Variants in POC1A observed in about 807,000 individuals in gnomAD.
The protein encoded by POC1A is POC1 centriolar protein A.
A neutral mutation model predicts 47.8 loss-of-function variants in POC1A; 34 were observed. The observed-to-expected ratio is 0.71, with a 90% CI of 0.54 to 0.95. The LOEUF (loss-of-function observed/expected upper bound fraction) is 0.95. Among genes scored for constraint, POC1A ranks in the 40% least tolerant of loss-of-function variants. The pLI, the probability that POC1A is intolerant of heterozygous loss-of-function variation, is 0.00. For synonymous variants in POC1A, 177 were observed against 207.6 expected, an observed-to-expected ratio of 0.85 and a Z score of 1.27; for missense variants, 466 against 528.3, an observed-to-expected ratio of 0.88 and a Z score of 1.16.
intron 6 of POC1A, among the ~76,000 whole-genome samples, chr3:52,140,765 C>T (rs554764293): frequency 2.0e-4 from 31 of 152,332 alleles, no homozygotes; most frequent in African/African-American, 6.5e-4. Flanking sequence ...ACCTACTGGC[C>T]GCACCAGCCT....
At chr3:52,136,741 T>C (rs1704483833) in intron 7 of POC1A, among the ~76,000 whole-genome samples, 1 of 152,200 alleles carries the variant, frequency 6.6e-6, no homozygotes, top group African/African-American at 2.4e-5. Context: ...TGGTCCTTGC[T>C]TCACTTCCCG....
intron 10 of POC1A, among the ~76,000 whole-genome samples, chr3:52,093,781 G>A (rs928664790): frequency 1.3e-4 from 20 of 152,228 alleles, no homozygotes; most frequent in Admixed American, 5.2e-4. Context: ...GGGGAGGACT[G>A]AGATTGGGTC....
intron 10 of POC1A, among the ~76,000 whole-genome samples, chr3:52,083,398 C>T (rs1300017582): frequency 1.3e-5 from 2 of 152,020 alleles, no homozygotes; most frequent in African/African-American, 4.8e-5. Flanking sequence ...ACGTACAGTC[C>T]CTCATGCCCA....
chr3:52,130,091 G>A (rs2107125991), intron 7 of POC1A, among the ~76,000 whole-genome samples: 1 of 152,284 alleles, frequency 6.6e-6, no homozygotes, highest in South Asian at 2.1e-4. Flanking sequence ...CCTGAACTCT[G>A]ACTGCATGCC....
At chr3:52,095,289 C>T (rs576580541) in intron 10 of POC1A, among the ~76,000 whole-genome samples, 1 of 152,294 alleles carries the variant, frequency 6.6e-6, no homozygotes, top group African/African-American at 2.4e-5. Context: ...TCCCACAGCC[C>T]CCAGTCATGA....
chr3:52,131,991 A>G lies in POC1A; in HGVS notation c.813+6178T>C, dbSNP rs1704231134. ...CAGCATCACCAGGACCATGTCCACA[A>G]CAGAAACTTCTAATGCCCTTTTAAA... On this transcript the variant is annotated intron_variant, in intron 7 of 10. Coordinates refer to ENST00000296484, the MANE Select transcript of POC1A (RefSeq NM_015426.5). Among the ~76,000 whole-genome samples, 3 of 152,152 alleles carry G rather than the reference A, an allele frequency of 2.0e-5. No individual in the cohort carries two copies. The South Asian group carries it at 6.2e-4, about 32-fold the overall frequency.
intron 8 of POC1A, among the ~76,000 whole-genome samples, chr3:52,123,857 T>C (rs1703894553): frequency 6.6e-6 from 1 of 152,232 alleles, no homozygotes. Context: ...CTCTATTTAC[T>C]GTGTGAAGTT....
intron 6 of POC1A, among the ~76,000 whole-genome samples, chr3:52,140,367 C>CA (rs1178495982): frequency 1.3e-5 from 2 of 152,206 alleles, no homozygotes; most frequent in African/African-American, 4.8e-5. Context: ...GAGACCCCCC[C>CA]ACCAGAAAGT....
intron 9 of POC1A, among the ~76,000 whole-genome samples, chr3:52,108,156 G>A (rs527722406): frequency 4.0e-4 from 61 of 152,328 alleles, no homozygotes; most frequent in Non-Finnish European, 6.9e-4. Context: ...ACATGGAAGG[G>A]CTTATTACAG....
At chr3:52,149,080 C>G in intron 4 of POC1A, 130 bp downstream of exon 4, 1 of 686,342 alleles carries the variant, frequency 1.5e-6, no homozygotes, top group South Asian at 1.8e-5. Context: ...GATAAGGAAA[C>G]CGAGGCTGAG....
rs549849805 is a variant in POC1A at position 52,141,040 on chromosome 3, C to G, written c.680-2738G>C. 4.7e-4 allele frequency among the ~76,000 whole-genome samples: 71 copies of G among 152,320 alleles called. 1 individual carries two copies. Among genetic ancestry groups the G allele is most frequent in the Admixed American group, 2.4e-3 (36 of 15,294 alleles). On this transcript the variant is annotated intron_variant, in intron 6 of 10. Coordinates refer to ENST00000296484, the MANE Select transcript of POC1A (RefSeq NM_015426.5). ...CTGCCACCTGGGTGGCAGCTGTGAG[C>G]TTGTGGCTCTTATCCCATCTCCACT...
intron 10 of POC1A, among the ~76,000 whole-genome samples, chr3:52,082,751 A>T (rs1237275762): frequency 6.6e-6 from 1 of 152,090 alleles, no homozygotes; most frequent in Non-Finnish European, 1.5e-5. Context: ...CCCCCTAAAA[A>T]CTGTAGTGAT....
chr3:52,076,943 C>T (rs1017872401), intron 10 of POC1A, among the ~76,000 whole-genome samples: 1 of 152,280 alleles, frequency 6.6e-6, no homozygotes, highest in Non-Finnish European at 1.5e-5. Context: ...AGCTGCCCTC[C>T]TCCTCTGGCT....
chr3:52,123,732 T>G (rs1703888333), intron 8 of POC1A, among the ~76,000 whole-genome samples: 1 of 152,220 alleles, frequency 6.6e-6, no homozygotes, highest in South Asian at 2.1e-4. Flanking sequence ...CCAATGTCAC[T>G]CTGAAAAAGC....
chr3:52,114,357 G>C (rs2107056354), intron 9 of POC1A, among the ~76,000 whole-genome samples: 1 of 152,300 alleles, frequency 6.6e-6, no homozygotes, highest in South Asian at 2.1e-4. Flanking sequence ...GGAACAACAG[G>C]GTCTGCAGGG....
chr3:52,091,203 C>A (rs1223613216), intron 10 of POC1A, among the ~76,000 whole-genome samples: 1 of 152,066 alleles, frequency 6.6e-6, no homozygotes, highest in Admixed American at 6.5e-5. Context: ...AGGATCAGAG[C>A]AGGGCCCTTG....
At chr3:52,095,246 C>G (rs1295428303) in intron 10 of POC1A, among the ~76,000 whole-genome samples, 1 of 152,190 alleles carries the variant, frequency 6.6e-6, no homozygotes, top group Non-Finnish European at 1.5e-5. Flanking sequence ...GCTTAGCAGC[C>G]TCTCAGCAAG....
intron 10 of POC1A, among the ~76,000 whole-genome samples, chr3:52,092,474 CACA>C (rs1702675784): frequency 1.3e-5 from 2 of 152,288 alleles, no homozygotes; most frequent in South Asian, 4.1e-4. Context: ...CTGGTCCAGG[CACA>C]ACAAGCCATT....
intron 6 of POC1A, among the ~76,000 whole-genome samples, chr3:52,143,236 C>T (rs1698256270): frequency 6.6e-6 from 1 of 152,062 alleles, no homozygotes; most frequent in African/African-American, 2.4e-5. Context: ...TGTCAGCCCA[C>T]ACACTCAGCT....
Sources: gnomAD v4.1 joint callset for allele counts (sites outside exome capture counted in the v4.1 genomes callset) on GRCh38, gnomAD v4.1.1 for gene constraint, MANE v1.5 for transcripts, NCBI Gene and HGNC (gene_info 2026-07-23, HGNC 2026-07-21) for gene names.